Variants in CD109 observed in about 807,000 individuals in gnomAD.
CD109 encodes the protein CD109 antigen.
Under a neutral mutation model 165.8 loss-of-function variants are expected in CD109, and 149 were observed. The ratio of observed to expected loss-of-function variants is 0.90; its 90% CI spans 0.79 to 1.03. The LOEUF is 1.03. Among genes scored for constraint, CD109 ranks in the 50% least tolerant of loss-of-function variants. CD109 has a pLI of 0.00. For synonymous variants in CD109, 585 were observed against 592.1 expected (o/e 0.99, Z 0.18); for missense variants, 1,712 against 1,677.8 (o/e 1.02, Z -0.36).
chr6:73,734,723 A>G (rs997261953), intron 4 of CD109, among the ~76,000 whole-genome samples: 62 of 152,188 alleles, frequency 4.1e-4, no homozygotes, highest in African/African-American at 1.4e-3. Context: ...CCTAACTGTC[A>G]TATCTCCACT....
At chr6:73,749,929 G>C (rs1200089530) in intron 5 of CD109, among the ~76,000 whole-genome samples, 1 of 152,202 alleles carries the variant, frequency 6.6e-6, no homozygotes, top group East Asian at 1.9e-4. Context: ...AGCATGTAGG[G>C]TGATTAGAGG....
intron 15 of CD109, among the ~76,000 whole-genome samples, chr6:73,773,237 A>G (rs1237340770): frequency 6.6e-6 from 1 of 150,728 alleles, no homozygotes; most frequent in East Asian, 1.9e-4. Flanking sequence ...TAATATATGC[A>G]TATTTACATT....
intron 5 of CD109, among the ~76,000 whole-genome samples, chr6:73,740,177 C>T (rs193089881): frequency 6.6e-6 from 1 of 152,126 alleles, no homozygotes; most frequent in Non-Finnish European, 1.5e-5. Flanking sequence ...TCATACACAG[C>T]CTTTGGGAGA....
At chr6:73,743,421 A>C (rs1772865818) in intron 5 of CD109, among the ~76,000 whole-genome samples, 1 of 152,350 alleles carries the variant, frequency 6.6e-6, no homozygotes, top group Admixed American at 6.5e-5. Flanking sequence ...TGTAACTCAG[A>C]AGCAATCTGC....
chr6:73,763,523 G>A lies in CD109; in HGVS notation c.998-53G>A, dbSNP rs1003835086. 3 of 1,022,850 alleles carry A rather than the reference G, an allele frequency of 2.9e-6. No individual in the cohort carries two copies. In the African/African-American group the frequency reaches 4.8e-5, roughly 16 times the overall value. 63.4% of individuals were successfully genotyped at this position (1,022,850 alleles called of 1,614,324 possible). A position where few individuals can be genotyped will look rare whatever the true frequency, so the allele number is the denominator to read the frequency against. On this transcript the variant is annotated intron_variant, in intron 9 of 32. Transcript: ENST00000287097. ...AGATGGAGAGATTTGGTGGATAGAA[G>A]CTTTGGGTGAAACATTACTTTTGCT...
intron 19 of CD109, 62 bp downstream of exon 19, chr6:73,783,886 T>G (rs993140386): frequency 2.5e-5 from 22 of 876,800 alleles, no homozygotes; most frequent in African/African-American, 1.4e-4. Flanking sequence ...CAGCGTCAGC[T>G]CCTCAATTTT....
At chr6:73,682,653 T>C in the CD109 span, among the ~76,000 whole-genome samples, 1 of 152,154 alleles carries the variant, frequency 6.6e-6, no homozygotes, top group Non-Finnish European at 1.5e-5. Flanking sequence ...GTGTGGGGGC[T>C]CCCATCCCCC....
intron 5 of CD109, among the ~76,000 whole-genome samples, chr6:73,752,593 G>A (rs1048059458): frequency 2.6e-5 from 4 of 152,118 alleles, no homozygotes; most frequent in East Asian, 1.9e-4. Context: ...AATCAAGGCC[G>A]TCTTACATCC....
At chr6:73,807,096 A>G in intron 25 of CD109, 24 bp downstream of exon 25, 1 of 1,562,722 alleles carries the variant, frequency 6.4e-7, no homozygotes, top group South Asian at 1.1e-5. Flanking sequence ...AATTTAATAA[A>G]TGATAGATGG....
At chr6:73,687,808 C>T in the CD109 span, among the ~76,000 whole-genome samples, 1 of 152,178 alleles carries the variant, frequency 6.6e-6, no homozygotes, top group South Asian at 2.1e-4. Flanking sequence ...TCTTGTGCTT[C>T]TACCATGACC....
chr6:73,745,921 G>T (rs536100944), intron 5 of CD109, among the ~76,000 whole-genome samples: 167 of 152,292 alleles, frequency 1.1e-3, no homozygotes, highest in South Asian at 4.2e-4. Flanking sequence ...GTAGAGACAA[G>T]GTTTCGCCAC....
chr6:73,723,282 A>G lies in CD109; in HGVS notation c.276+3A>G. The G allele has an allele frequency of 2.5e-6, 4 of 1,609,920 alleles. No homozygotes were observed. Among genetic ancestry groups the G allele is most frequent in the Non-Finnish European group, 3.4e-6 (4 of 1,178,100 alleles). On this transcript the variant is annotated splice_donor_region_variant and intron_variant, in intron 3 of 32. Coordinates refer to ENST00000287097, the MANE Select transcript of CD109 (RefSeq NM_133493.5). ...TTAAGACACTTACTCTTCCATCAGT[A>G]AGTATCCATTTAAAAAATTTGGTTT... is the stretch of plus-strand genomic sequence containing the variant.
rs1188407442 is a variant in CD109, at chr6:73,823,909, A to G, written c.*276A>G. The G allele has an allele frequency of 1.8e-5, 5 of 271,272 alleles. No homozygotes were observed. Among genetic ancestry groups the G allele is most frequent in the Non-Finnish European group, 2.8e-5 (4 of 144,046 alleles). The allele number at this position is 271,272 out of a possible 1,614,324, so 16.8% of individuals were successfully genotyped here. A position where few individuals can be genotyped will look rare whatever the true frequency, so the allele number is the denominator to read the frequency against. ...TTTTTTGGAGGTGTTTGTTTTCTCCAGAATAAAGGTATTACTTTAGAATAG... is the reference window on the plus strand; with the variant it reads ...TTTTTTGGAGGTGTTTGTTTTCTCCGGAATAAAGGTATTACTTTAGAATAG... On this transcript the variant is annotated 3_prime_UTR_variant, in exon 33 of 33. Transcript: ENST00000287097.
chr6:73,736,765 G>A (rs575129900), intron 5 of CD109, among the ~76,000 whole-genome samples: 1 of 152,150 alleles, frequency 6.6e-6, no homozygotes, highest in South Asian at 2.1e-4. Flanking sequence ...TGACATTTTA[G>A]TACACAATGT....
intron 5 of CD109, among the ~76,000 whole-genome samples, chr6:73,736,786 G>T (rs1257140485): frequency 6.6e-6 from 1 of 151,998 alleles, no homozygotes; most frequent in African/African-American, 2.4e-5. Flanking sequence ...TTACTTATTT[G>T]TTTCATGCAT....
At chr6:73,693,768 C>T (rs1480800099), upstream of CD109, 1 of 152,230 alleles carries the variant, frequency 6.6e-6, no homozygotes, top group African/African-American at 2.4e-5. Flanking sequence ...CCAGGCTGGT[C>T]TTGAACTCCT....
At chr6:73,806,075 C>T (rs1403716711) in intron 24 of CD109, among the ~76,000 whole-genome samples, 6 of 152,072 alleles carry the variant, frequency 3.9e-5, no homozygotes, top group Non-Finnish European at 5.9e-5. Flanking sequence ...ATGTTTATTG[C>T]GGCACTATTC....
chr6:73,794,657 G>C (rs1423887832), intron 23 of CD109, among the ~76,000 whole-genome samples: 2 of 152,156 alleles, frequency 1.3e-5, no homozygotes, highest in African/African-American at 2.4e-5. Flanking sequence ...AACCAAGGGA[G>C]ACCAGCGTTT....
At position 73,792,653 on chromosome 6, in the gene CD109, G is replaced by A. The variant is rs766496050; in HGVS notation, c.2729G>A (p.Gly910Asp). 2 of 1,613,046 alleles carry A rather than the reference G, an allele frequency of 1.2e-6. No homozygotes were observed. Among genetic ancestry groups the A allele is most frequent in the South Asian group, 1.1e-5 (1 of 91,038 alleles). The change falls in exon 23 of 33, where the codon GGC (glycine) becomes GAC (aspartate). Residue 910 changes from glycine to aspartate, a missense_variant. Physicochemically the swap from Gly to Asp is moderately conservative, Grantham distance 94 (BLOSUM62 -1). Coordinates refer to ENST00000287097, the MANE Select transcript of CD109 (RefSeq NM_133493.5). ...GATGTTCTTGGTCCTTCCATCAATG[G>A]CTTAGCCTCATTGATTCGGATGCCT... ...IGDVLGPSINGLASLIRMPYG... is the reference protein window; with the variant it reads ...IGDVLGPSINDLASLIRMPYG...
Sources: allele counts gnomAD v4.1 joint callset (sites outside exome capture counted in the v4.1 genomes callset), GRCh38; gene constraint gnomAD v4.1.1; transcripts MANE v1.5; gene names NCBI Gene and HGNC (gene_info 2026-07-23, HGNC 2026-07-21).